The following GRK1 variants were observed in gnomAD, a reference collection of about 807,000 sequenced individuals.
GRK1 encodes the protein rhodopsin kinase GRK1.
A neutral mutation model predicts 41.7 loss-of-function variants in GRK1; 28 were observed. The ratio of observed to expected loss-of-function variants is 0.67; its 90% CI spans 0.50 to 0.92. GRK1 has a LOEUF of 0.92. Ranked by LOEUF, GRK1 falls within the 40% of genes least tolerant of loss-of-function variation. The pLI is 0.00. For synonymous variants in GRK1, 327 were observed against 286.7 expected (o/e 1.14, Z -1.42); for missense variants, 703 against 671.2 (o/e 1.05, Z -0.52).
chr13:113,735,284 G>A lies in GRK1; in HGVS notation c.1613G>A (p.Gly538Asp), dbSNP rs1420748727. 2 of 1,536,168 alleles carry A rather than the reference G, an allele frequency of 1.3e-6. No homozygotes were observed. Among genetic ancestry groups the A allele is most frequent in the East Asian group, 2.4e-5 (1 of 40,896 alleles). The change falls in exon 7 of 7, where the codon GGT (glycine) becomes GAT (aspartate). Residue 538 changes from glycine (G) to aspartate (D), a missense_variant. Physicochemically the swap from Gly to Asp is moderately conservative, Grantham distance 94 (BLOSUM62 -1). Transcript: ENST00000335678. Reference protein sequence around the residue: ...FGELNVWRSDGQMPDDMKGIS... With the variant: ...FGELNVWRSDDQMPDDMKGIS... ...GAGCTGAACGTGTGGCGCTCGGACG[G>A]TCAGATGCCGGACGACATGAAGGGC...
chr13:113,653,560 G>C, the GRK1 span: 1 of 727,724 alleles, frequency 1.4e-6, no homozygotes, highest in South Asian at 1.7e-5. Flanking sequence ...GGAGTAAACT[G>C]TCTGCAGCAC....
the GRK1 span, chr13:113,649,311 C>G: frequency 6.5e-7 from 1 of 1,531,766 alleles, no homozygotes; most frequent in Non-Finnish European, 8.8e-7. The surrounding 1 kb of genome is among the most constrained non-coding windows in gnomAD (Gnocchi z 4.7). Context: ...CAAGGTAAGC[C>G]CAACCAGGAG....
chr13:113,658,024 C>T, the GRK1 span: 996 of 1,591,188 alleles, frequency 6.3e-4, 4 homozygotes, highest in African/African-American at 0.012. Context: ...GCCCGCCCCC[C>T]GCACGTACCC....
In GRK1 at chr13:113,669,673, G is replaced by A. The variant is rs199975969; in HGVS notation, c.700-14G>A. ...TATTCAAAGCCAGTGCGTACTCAGCGTCTCACTTTTCAGGGTGCTATGGTG... is the reference window on the plus strand; with the variant it reads ...TATTCAAAGCCAGTGCGTACTCAGCATCTCACTTTTCAGGGTGCTATGGTG... On this transcript the variant is annotated splice_polypyrimidine_tract_variant and intron_variant, in intron 1 of 6. Transcript: ENST00000335678. The A allele has an allele frequency of 5.9e-5, 96 of 1,613,704 alleles. No individual in the cohort carries two copies. Among genetic ancestry groups the A allele is most frequent in the Non-Finnish European group, 7.2e-5 (85 of 1,179,778 alleles).
At chr13:113,727,067 C>G (rs1294847786) in intron 4 of GRK1, among the ~76,000 whole-genome samples, 2 of 152,262 alleles carry the variant, frequency 1.3e-5, no homozygotes, top group East Asian at 1.9e-4. Context: ...ACGGGCCTGT[C>G]CGCCACTGTG....
At chr13:113,727,255 G>A (rs1459639024) in intron 4 of GRK1, among the ~76,000 whole-genome samples, 1 of 152,268 alleles carries the variant, frequency 6.6e-6, no homozygotes, top group African/African-American at 2.4e-5. Flanking sequence ...GCCATCTGGA[G>A]GGAGGGCCCA....
intron 4 of GRK1, among the ~76,000 whole-genome samples, chr13:113,723,614 G>A (rs1351402116): frequency 6.6e-6 from 1 of 152,180 alleles, no homozygotes; most frequent in Non-Finnish European, 1.5e-5. Context: ...AATCAGATAA[G>A]CATTTATCTC....
At chr13:113,729,276 C>A (rs941978091) in intron 4 of GRK1, among the ~76,000 whole-genome samples, 1 of 152,218 alleles carries the variant, frequency 6.6e-6, no homozygotes, top group African/African-American at 2.4e-5. Context: ...GAGCGAGGCT[C>A]CAGGCTCCAT....
At chr13:113,655,713 T>C in the GRK1 span, among the ~76,000 whole-genome samples, 18 of 152,244 alleles carry the variant, frequency 1.2e-4, no homozygotes, top group Non-Finnish European at 1.6e-4. Context: ...TTGTGTTTGC[T>C]ACGGCTTTTG....
intron 4 of GRK1, among the ~76,000 whole-genome samples, chr13:113,729,946 C>T (rs1394357379): frequency 1.6e-4 from 23 of 144,002 alleles, no homozygotes; most frequent in African/African-American, 4.4e-4. Context: ...ACAGTCCCCG[C>T]GGCTGCGCCC....
chr13:113,651,561 C>T, the GRK1 span: 19 of 1,260,144 alleles, frequency 1.5e-5, no homozygotes, highest in Middle Eastern at 6.0e-4. Flanking sequence ...ACTGGGCCGA[C>T]GGCTGACATT....
chr13:113,649,458 C>CT, the GRK1 span: 7 of 1,568,660 alleles, frequency 4.5e-6, no homozygotes, highest in African/African-American at 9.5e-5. The surrounding 1 kb of genome is among the most constrained non-coding windows in gnomAD (Gnocchi z 4.7). Flanking sequence ...CCGCCATGAC[C>CT]TTGCACACGA....
intron 6 of GRK1, 64 bp downstream of exon 6, chr13:113,733,149 C>A: frequency 6.8e-7 from 1 of 1,462,632 alleles, no homozygotes; most frequent in Non-Finnish European, 9.1e-7. Flanking sequence ...CTTGGGTGTC[C>A]GCCCGGTCCA....
chr13:113,727,811 G>A (rs1287700954), intron 4 of GRK1, among the ~76,000 whole-genome samples: 8 of 84,874 alleles, frequency 9.4e-5, no homozygotes, highest in South Asian at 5.7e-4. Flanking sequence ...GACCCATGGC[G>A]ATGAGGAGTA....
the GRK1 span, among the ~76,000 whole-genome samples, chr13:113,652,123 G>A: frequency 6.6e-6 from 1 of 152,212 alleles, no homozygotes; most frequent in Non-Finnish European, 1.5e-5. Context: ...GCCCACCCGG[G>A]CCTTCAGCCC....
At chr13:113,732,338 C>T (rs998081014) in intron 5 of GRK1, among the ~76,000 whole-genome samples, 32 of 152,178 alleles carry the variant, frequency 2.1e-4, no homozygotes, top group African/African-American at 5.3e-4. Flanking sequence ...ACCACTAGCA[C>T]GCCCGTGGTC....
chr13:113,653,350 A>T, the GRK1 span: 2 of 1,613,944 alleles, frequency 1.2e-6, no homozygotes, highest in Non-Finnish European at 1.7e-6. Context: ...AGTCTGTGTG[A>T]GGTCTGCCCA....
At chr13:113,733,979 C>T (rs1261250074) in intron 6 of GRK1, among the ~76,000 whole-genome samples, 9 of 103,674 alleles carry the variant, frequency 8.7e-5, no homozygotes, top group East Asian at 7.6e-4. Context: ...CGTGTGTGCG[C>T]ATGTGTGTGC....
chr13:113,734,034 GTA>G (rs200898958), intron 6 of GRK1, among the ~76,000 whole-genome samples: 3,232 of 138,792 alleles, frequency 0.023, 66 homozygotes, highest in Non-Finnish European at 0.023. Context: ...GTGCGTGTGC[GTA>G]TGTGTGTGTG....
Sources: allele counts gnomAD v4.1 joint callset (sites outside exome capture counted in the v4.1 genomes callset), GRCh38; gene constraint gnomAD v4.1.1; non-coding constraint Gnocchi (gnomAD v3.1); transcripts MANE v1.5; gene names NCBI Gene and HGNC (gene_info 2026-07-23, HGNC 2026-07-21).